Variants in UHRF1 observed in about 807,000 individuals in gnomAD.
The protein encoded by UHRF1 is E3 ubiquitin-protein ligase UHRF1.
A neutral mutation model predicts 96.5 loss-of-function variants in UHRF1; 9 were observed. The observed-to-expected ratio is 0.09, with a 90% CI of 0.06 to 0.16. The LOEUF (loss-of-function observed/expected upper bound fraction) is 0.16. Among genes scored for constraint, UHRF1 ranks in the 10% least tolerant of loss-of-function variants. The pLI, the probability that UHRF1 is intolerant of heterozygous loss-of-function variation, is 1.00. For synonymous variants in UHRF1, 455 were observed against 469.9 expected, an observed-to-expected ratio of 0.97 and a Z score of 0.41; for missense variants, 626 against 1,131.1, an observed-to-expected ratio of 0.55 and a Z score of 6.40.
At chr19:4,946,353 A>G (rs2033565120) in intron 10 of UHRF1, among the ~76,000 whole-genome samples, 1 of 151,976 alleles carries the variant, frequency 6.6e-6, no homozygotes, top group African/African-American at 2.4e-5. Flanking sequence ...ATGTGTCCGG[A>G]TTCCCCTTTT....
intron 7 of UHRF1, among the ~76,000 whole-genome samples, chr19:4,943,850 C>T (rs1257910138): frequency 5.3e-5 from 8 of 152,146 alleles, no homozygotes; most frequent in South Asian, 4.1e-4. Context: ...GGGGTTTCAC[C>T]GTGTTGGCCA....
At chr19:4,956,358 C>G (rs1414637143) in intron 15 of UHRF1, among the ~76,000 whole-genome samples, 1 of 152,216 alleles carries the variant, frequency 6.6e-6, no homozygotes, top group Non-Finnish European at 1.5e-5. Context: ...AGCTGCCGCT[C>G]CCAGCCAGGA....
At chr19:4,956,666 T>G in intron 15 of UHRF1, 43 bp from the exon 16 acceptor site, 3 of 1,307,080 alleles carry the variant, frequency 2.3e-6, no homozygotes, top group Non-Finnish European at 2.2e-6. Context: ...GTGGGAGCCC[T>G]GGTCCCGGTG....
intron 5 of UHRF1, among the ~76,000 whole-genome samples, chr19:4,940,997 G>A (rs942680116): frequency 4.6e-5 from 7 of 151,190 alleles, no homozygotes; most frequent in Non-Finnish European, 1.0e-4. Context: ...TTGCTTGTCG[G>A]TTCTTGTGGA....
intron 11 of UHRF1, among the ~76,000 whole-genome samples, chr19:4,949,901 C>T (rs2033671458): frequency 1.3e-5 from 2 of 151,906 alleles, no homozygotes; most frequent in South Asian, 2.1e-4. Flanking sequence ...GCAGGGTCTC[C>T]CTCTCTTGTC....
Position 4,929,358 on chromosome 19 carries a change from G to A in UHRF1, c.290G>A (p.Cys97Tyr), listed in dbSNP as rs1157181199. The A allele has an allele frequency of 6.2e-7, 1 of 1,613,610 alleles. No individual in the cohort carries two copies. The highest frequency in any genetic ancestry group is 8.5e-7 in the Non-Finnish European group (1 of 1,179,904). The change falls in exon 3 of 17, where the codon TGC becomes TAC. Residue 97 changes from cysteine (C) to tyrosine (Y), a missense_variant. Cys to Tyr is a radical substitution (Grantham distance 194). Transcript: ENST00000650932. Reference protein sequence around the residue: ...DSELSDTDSGCCLGQSESDKS... With the variant: ...DSELSDTDSGYCLGQSESDKS... Reference sequence around the variant, plus strand: ...GAGCTCTCCGACACCGACTCCGGCTGCTGCCTGGGCCAGAGTGAGTCAGAC... The same window carrying A: ...GAGCTCTCCGACACCGACTCCGGCTACTGCCTGGGCCAGAGTGAGTCAGAC...
At chr19:4,912,468 C>A (rs2032321449) in intron 2 of UHRF1, among the ~76,000 whole-genome samples, 1 of 152,190 alleles carries the variant, frequency 6.6e-6, no homozygotes, top group Non-Finnish European at 1.5e-5. Context: ...GGAGATAATG[C>A]TGAGTATCCA....
At chr19:4,917,057 G>T (rs1599244781) in intron 2 of UHRF1, among the ~76,000 whole-genome samples, 1 of 148,302 alleles carries the variant, frequency 6.7e-6, no homozygotes, top group Non-Finnish European at 1.5e-5. Flanking sequence ...GGGGTAGGAA[G>T]TGGGCAGCTC....
chr19:4,926,637 G>T (rs1328910274), intron 2 of UHRF1, among the ~76,000 whole-genome samples: 1 of 152,102 alleles, frequency 6.6e-6, no homozygotes, highest in Non-Finnish European at 1.5e-5. Flanking sequence ...TGGGTGATGT[G>T]TGCCTGTGGT....
At chr19:4,947,262 C>A in intron 11 of UHRF1, 51 bp downstream of exon 11, 1 of 1,545,062 alleles carries the variant, frequency 6.5e-7, no homozygotes, top group South Asian at 1.1e-5. Context: ...TCTGCCGAGT[C>A]TTGGTTCTGT....
At chr19:4,934,179 A>G (rs1599269272) in intron 5 of UHRF1, among the ~76,000 whole-genome samples, 1 of 151,150 alleles carries the variant, frequency 6.6e-6, no homozygotes, top group South Asian at 2.1e-4. Flanking sequence ...GCCCGCCACC[A>G]CGTCTGGCTA....
Position 4,930,963 on chromosome 19 carries a change from C to A in UHRF1, c.569+87C>A. On this transcript the variant is annotated intron_variant, in intron 4 of 16. Coordinates refer to ENST00000650932, the MANE Select transcript of UHRF1 (RefSeq NM_001048201.3). The surrounding 1 kb of genome is among the most constrained non-coding windows in gnomAD (Gnocchi z 4.4). ...CGGGTGTTCAGGCCAGAGCTTGGCACTGTCTCGAGATGGTGATCAGGATCT... is the reference window on the plus strand; with the variant it reads ...CGGGTGTTCAGGCCAGAGCTTGGCAATGTCTCGAGATGGTGATCAGGATCT... The A allele has an allele frequency of 6.4e-7, 1 of 1,550,614 alleles. No individual in the cohort carries two copies. Among genetic ancestry groups the A allele is most frequent in the Non-Finnish European group, 8.8e-7 (1 of 1,138,168 alleles).
chr19:4,940,359 A>ATCTTTTTTTTTTTT (rs2033354186), intron 5 of UHRF1, among the ~76,000 whole-genome samples: 1 of 67,056 alleles, frequency 1.5e-5, no homozygotes, highest in South Asian at 6.8e-4. Context: ...TGCCTTTATG[A>ATCTTTTTTTTTTTT]TTTTTTTTTT....
chr19:4,940,512 A>T (rs1213126394), intron 5 of UHRF1, among the ~76,000 whole-genome samples: 1 of 148,150 alleles, frequency 6.7e-6, no homozygotes, highest in Admixed American at 6.7e-5. Flanking sequence ...GATTACAGGC[A>T]CGGGCCACCA....
chr19:4,931,279 C>T (rs981365523), intron 4 of UHRF1, among the ~76,000 whole-genome samples: 11 of 152,240 alleles, frequency 7.2e-5, no homozygotes, highest in African/African-American at 2.4e-4. Flanking sequence ...ATGGTGGCTG[C>T]GTCTGTCCGT....
intron 2 of UHRF1, among the ~76,000 whole-genome samples, chr19:4,911,926 T>C (rs1055978344): frequency 3.3e-5 from 5 of 152,268 alleles, no homozygotes; most frequent in Middle Eastern, 3.4e-3. Flanking sequence ...TGTACCCCAC[T>C]GTGTTGTTGT....
intron 2 of UHRF1, among the ~76,000 whole-genome samples, chr19:4,923,253 C>T (rs189812680): frequency 2.0e-4 from 30 of 152,332 alleles, no homozygotes; most frequent in Non-Finnish European, 3.8e-4. Context: ...CAGAGTCCGA[C>T]CGTCTGGCCC....
chr19:4,940,225 A>G (rs1055735210), intron 5 of UHRF1, among the ~76,000 whole-genome samples: 2 of 151,966 alleles, frequency 1.3e-5, no homozygotes, highest in Non-Finnish European at 2.9e-5. Context: ...TTACATACAC[A>G]GCGTGTGTTC....
At chr19:4,947,348 C>T (rs1489136744) in intron 11 of UHRF1, 137 bp downstream of exon 11, 2 of 758,082 alleles carry the variant, frequency 2.6e-6, no homozygotes, top group South Asian at 3.4e-5. Flanking sequence ...CATTTGGTTC[C>T]TCCCTCTGTC....
Sources: allele counts gnomAD v4.1 joint callset (sites outside exome capture counted in the v4.1 genomes callset), GRCh38; gene constraint gnomAD v4.1.1; non-coding constraint Gnocchi (gnomAD v3.1); transcripts MANE v1.5; gene names NCBI Gene and HGNC (gene_info 2026-07-23, HGNC 2026-07-21).